MARCHF1: variants seen among roughly 807,000 people sequenced by gnomAD.
MARCHF1 encodes E3 ubiquitin-protein ligase MARCHF1.
A neutral mutation model predicts 54.2 loss-of-function variants in MARCHF1; 40 were observed. That is an observed-to-expected ratio of 0.74 (90% confidence interval 0.57 to 0.96). MARCHF1 has a LOEUF of 0.96. Ranked by LOEUF, MARCHF1 falls within the 40% of genes least tolerant of loss-of-function variation. MARCHF1 has a pLI of 0.00. For missense variants in MARCHF1, 586 were observed against 656.5 expected (o/e 0.89, Z 1.17); for synonymous variants, 236 against 236.3 (o/e 1.00, Z 0.01).
intron 2 of MARCHF1, among the ~76,000 whole-genome samples, chr4:164,022,446 A>T (rs2110971193): frequency 6.6e-6 from 1 of 152,324 alleles, no homozygotes; most frequent in Admixed American, 6.5e-5. Flanking sequence ...AAGAAAGCTG[A>T]AAACCACATG....
chr4:163,730,691 T>C (rs1745799947), intron 4 of MARCHF1, among the ~76,000 whole-genome samples: 1 of 152,278 alleles, frequency 6.6e-6, no homozygotes, highest in Admixed American at 6.5e-5. Context: ...ATTTTTTGAT[T>C]GTTGTAAGTT....
chr4:163,920,261 G>A (rs1179712766), intron 3 of MARCHF1, among the ~76,000 whole-genome samples: 1 of 151,988 alleles, frequency 6.6e-6, no homozygotes, highest in Non-Finnish European at 1.5e-5. Flanking sequence ...TATTCCAGCT[G>A]GAAACATAGA....
chr4:163,867,454 C>T (rs568698301), intron 3 of MARCHF1, among the ~76,000 whole-genome samples: 2 of 151,572 alleles, frequency 1.3e-5, no homozygotes, highest in African/African-American at 2.4e-5. Context: ...ACACACATAT[C>T]CATAATATAG....
intron 4 of MARCHF1, among the ~76,000 whole-genome samples, chr4:163,750,513 AAAATAAATAAATAAATAAATAAAT>A (rs34968782): frequency 7.0e-6 from 1 of 142,996 alleles, no homozygotes; most frequent in Non-Finnish European, 1.5e-5. Flanking sequence ...TCTGTCTCAA[AAAATAAATAAATAAATAAATAAAT>A]AAATAAATAA....
intron 1 of MARCHF1, among the ~76,000 whole-genome samples, chr4:164,155,940 A>G (rs1730065996): frequency 6.6e-6 from 1 of 152,192 alleles, no homozygotes; most frequent in South Asian, 2.1e-4. Flanking sequence ...GTTGTGATAC[A>G]AAGTAGCATA....
rs146337383 is a variant in MARCHF1 at position 163,585,862 on chromosome 4, G to A, written c.1078C>T (p.Arg360Cys). Residue 360 changes from arginine to cysteine, a missense_variant, in exon 8 of 10, where the codon CGC (arginine) becomes TGC (cysteine). Coordinates refer to ENST00000514618, the MANE Select transcript of MARCHF1 (RefSeq NM_001394959.1). ...TGGAGGCAGGACTGGTGGACAAAGC[G>A]CAGTGTCCCAGTGCAGCGACAGGGT... ...ITPCRCTGTL[R>C]FVHQSCLHQW... 60 of 1,613,798 alleles carry A rather than the reference G, an allele frequency of 3.7e-5. No homozygotes were observed. Among genetic ancestry groups the A allele is most frequent in the Non-Finnish European group, 4.6e-5 (54 of 1,179,936 alleles).
At chr4:163,541,574 C>T (rs1189330710) in intron 9 of MARCHF1, among the ~76,000 whole-genome samples, 1 of 152,072 alleles carries the variant, frequency 6.6e-6, no homozygotes, top group African/African-American at 2.4e-5. Flanking sequence ...CTCTCTGTGG[C>T]ATCATGACTA....
intron 1 of MARCHF1, among the ~76,000 whole-genome samples, chr4:164,201,283 G>A (rs910057685): frequency 3.3e-5 from 5 of 152,004 alleles, no homozygotes; most frequent in East Asian, 1.9e-4. Context: ...GCAATGGTGC[G>A]ATCTCGGCTC....
At chr4:163,848,944 A>G (rs1005365227) in intron 4 of MARCHF1, among the ~76,000 whole-genome samples, 1 of 152,212 alleles carries the variant, frequency 6.6e-6, no homozygotes, top group Non-Finnish European at 1.5e-5. Flanking sequence ...GACTGGCTAT[A>G]AGTCAGTCAA....
At chr4:163,657,650 A>T (rs1561002425) in intron 5 of MARCHF1, among the ~76,000 whole-genome samples, 1 of 152,110 alleles carries the variant, frequency 6.6e-6, no homozygotes, top group Non-Finnish European at 1.5e-5. Flanking sequence ...GTGCTTCTGG[A>T]CTTCAAACTA....
intron 3 of MARCHF1, among the ~76,000 whole-genome samples, chr4:163,968,599 C>A (rs879914300): frequency 1.3e-5 from 2 of 152,182 alleles, no homozygotes; most frequent in Admixed American, 1.3e-4. Flanking sequence ...TGAGCTCCTA[C>A]TCTATGCTGA....
intron 2 of MARCHF1, among the ~76,000 whole-genome samples, chr4:164,042,420 A>G (rs28703670): frequency 0.25 from 38,391 of 152,066 alleles, 6,471 homozygotes; most frequent in East Asian, 0.48. Context: ...TATGGCAGCA[A>G]AAGGGAGAGA....
chr4:163,632,711 G>A (rs1413545030), intron 5 of MARCHF1, among the ~76,000 whole-genome samples: 1 of 152,244 alleles, frequency 6.6e-6, no homozygotes, highest in African/African-American at 2.4e-5. Context: ...GGTAAACAAA[G>A]CAGCCTGGAA....
chr4:164,134,555 G>T lies in MARCHF1; in HGVS notation c.-322-22893C>A, dbSNP rs558265125. Among the ~76,000 whole-genome samples the T allele has an allele frequency of 5.5e-4, 83 of 152,140 alleles. 1 individual carries two copies. The highest frequency in any genetic ancestry group is 3.7e-3 in the South Asian group (18 of 4,812). On this transcript the variant is annotated intron_variant, in intron 1 of 9. Coordinates refer to ENST00000514618, the MANE Select transcript of MARCHF1 (RefSeq NM_001394959.1). ...GTCTCCTGCTAATTTGAAACCAAGG[G>T]CATTTCCTGACTGGCATTTATTTAT...
chr4:163,977,814 C>A (rs1213483656), intron 3 of MARCHF1, among the ~76,000 whole-genome samples: 1 of 152,122 alleles, frequency 6.6e-6, no homozygotes, highest in African/African-American at 2.4e-5. Context: ...ACAAAATAAT[C>A]CTATAAATAT....
intron 1 of MARCHF1, among the ~76,000 whole-genome samples, chr4:164,312,711 A>G (rs1734891817): frequency 6.6e-6 from 1 of 152,190 alleles, no homozygotes; most frequent in Non-Finnish European, 1.5e-5. Context: ...TTAGTCTCAT[A>G]TCGCTCACAG....
intron 2 of MARCHF1, among the ~76,000 whole-genome samples, chr4:164,018,224 AT>A (rs946636816): frequency 2.0e-5 from 3 of 151,890 alleles, no homozygotes; most frequent in African/African-American, 7.2e-5. Flanking sequence ...CATAGGATAA[AT>A]TTTTTTGGCT....
intron 3 of MARCHF1, among the ~76,000 whole-genome samples, chr4:163,966,763 C>T (rs921544869): frequency 6.6e-6 from 1 of 152,114 alleles, no homozygotes; most frequent in Non-Finnish European, 1.5e-5. Flanking sequence ...TGCCACACAG[C>T]TCTCCGGTAG....
At chr4:163,947,019 G>A (rs564732072) in intron 3 of MARCHF1, among the ~76,000 whole-genome samples, 29 of 152,088 alleles carry the variant, frequency 1.9e-4, no homozygotes, top group African/African-American at 6.8e-4. Context: ...ATACAAGCTT[G>A]TGGAATATGA....
Sources: allele counts gnomAD v4.1 joint callset (sites outside exome capture counted in the v4.1 genomes callset), GRCh38; gene constraint gnomAD v4.1.1; transcripts MANE v1.5; gene names NCBI Gene and HGNC (gene_info 2026-07-23, HGNC 2026-07-21).